Variants in RBFOX3 observed in about 807,000 individuals in gnomAD.
RBFOX3 encodes RNA binding fox-1 homolog 3.
In RBFOX3, 17 loss-of-function variants were observed where a neutral mutation model predicts 48.7. The ratio of observed to expected loss-of-function variants is 0.35; its 90% CI spans 0.24 to 0.52. The LOEUF (loss-of-function observed/expected upper bound fraction) is 0.52. Ranked by LOEUF, RBFOX3 falls within the 20% of genes least tolerant of loss-of-function variation. RBFOX3 has a pLI of 0.94. For missense variants in RBFOX3, 382 were observed against 497.5 expected, an observed-to-expected ratio of 0.77 and a Z score of 2.21; for synonymous variants, 212 against 209.5, an observed-to-expected ratio of 1.01 and a Z score of -0.10.
intron 1 of RBFOX3, among the ~76,000 whole-genome samples, chr17:79,597,037 CT>C (rs1205305472): frequency 6.6e-6 from 1 of 152,204 alleles, no homozygotes; most frequent in East Asian, 1.9e-4. Context: ...GGGGTCACCC[CT>C]GGCCGAGGCC....
At chr17:79,593,898 G>A (rs1160317324) in intron 1 of RBFOX3, among the ~76,000 whole-genome samples, 11 of 152,118 alleles carry the variant, frequency 7.2e-5, no homozygotes, top group African/African-American at 1.9e-4. Context: ...ACCAAAACCC[G>A]CTGGCACTTG....
intron 2 of RBFOX3, among the ~76,000 whole-genome samples, chr17:79,360,387 C>T (rs567905368): frequency 4.0e-4 from 61 of 152,198 alleles, no homozygotes; most frequent in Non-Finnish European, 6.5e-4. Flanking sequence ...AGACTGCAAT[C>T]CCGCCAACAG....
intron 4 of RBFOX3, among the ~76,000 whole-genome samples, chr17:79,117,642 G>A (rs1450808647): frequency 2.6e-5 from 4 of 152,144 alleles, no homozygotes; most frequent in Non-Finnish European, 5.9e-5. Flanking sequence ...TGCACAGGTG[G>A]ATCTGGCATG....
chr17:79,146,639 T>C (rs2043096312), intron 4 of RBFOX3, among the ~76,000 whole-genome samples: 1 of 152,180 alleles, frequency 6.6e-6, no homozygotes, highest in South Asian at 2.1e-4. Flanking sequence ...GCTGAGGGGC[T>C]GGTCTGTGTG....
At position 79,595,352 on chromosome 17, in the gene RBFOX3, C is replaced by T. The variant is rs947615448; in HGVS notation, c.-320+15474G>A. Among the ~76,000 whole-genome samples the T allele has an allele frequency of 1.5e-3, 221 of 152,326 alleles. 2 individuals carry two copies. In the South Asian group the frequency reaches 0.025, roughly 17 times the overall value. ...GCGAAGAACATGCTCAGTCAGCAAC[C>T]GCTCGCTGGGCACCTGCTTTGTGCC... On this transcript the variant is annotated intron_variant, in intron 1 of 14. Transcript: ENST00000693108.
At position 79,441,803 on chromosome 17, in the gene RBFOX3, A is replaced by T. The variant is rs560688313; in HGVS notation, c.-175+40651T>A. ...GGGTGGGAACACACACTCGTGGCCC[A>T]CAGGCCTCGGCCAGCCAGGGCTGAC... On this transcript the variant is annotated intron_variant, in intron 2 of 14. Transcript: ENST00000693108. Among the ~76,000 whole-genome samples the T allele has an allele frequency of 8.5e-5, 13 of 152,266 alleles. No homozygotes were observed. In the South Asian group the frequency reaches 2.7e-3, roughly 32 times the overall value.
rs1299934226 is a variant in RBFOX3 at position 79,477,491 on chromosome 17, G to A, written c.-175+4963C>T. ...GAATGGCGTGAACCCGGGAGGCGGA[G>A]TTTGCAGTGAGCTGAGATCGCCCCA... is the stretch of plus-strand genomic sequence containing the variant. On this transcript the variant is annotated intron_variant, in intron 2 of 14. Transcript: ENST00000693108. This position sits in a 1 kb window ranked among gnomAD's most constrained non-coding sequence, Gnocchi z 4.8. Among the ~76,000 whole-genome samples, 2 of 151,916 alleles carry A rather than the reference G, an allele frequency of 1.3e-5. No individual in the cohort carries two copies. Among genetic ancestry groups the A allele is most frequent in the Non-Finnish European group, 2.9e-5 (2 of 67,996 alleles).
At chr17:79,510,856 CA>C (rs2084058596) in intron 1 of RBFOX3, among the ~76,000 whole-genome samples, 1 of 152,088 alleles carries the variant, frequency 6.6e-6, no homozygotes, top group East Asian at 1.9e-4. Context: ...GGGCTTCCAC[CA>C]GGGGCCTCGC....
intron 1 of RBFOX3, among the ~76,000 whole-genome samples, chr17:79,507,012 C>T (rs1266789070): frequency 1.3e-5 from 2 of 152,204 alleles, no homozygotes. Flanking sequence ...GGGATCCACC[C>T]TCAGGAGGCA....
intron 3 of RBFOX3, among the ~76,000 whole-genome samples, chr17:79,265,997 C>T (rs2066635908): frequency 6.6e-6 from 1 of 152,250 alleles, no homozygotes; most frequent in Non-Finnish European, 1.5e-5. Flanking sequence ...TCCATTCCCG[C>T]TGTAACAGAC....
At chr17:79,187,300 C>T (rs1599872943) in intron 4 of RBFOX3, among the ~76,000 whole-genome samples, 3 of 152,314 alleles carry the variant, frequency 2.0e-5, no homozygotes, top group African/African-American at 4.8e-5. Context: ...ATGCTCCTGC[C>T]CCTCTTTCCC....
chr17:79,106,801 G>A lies in RBFOX3; in HGVS notation c.223-13C>T. The A allele has an allele frequency of 1.3e-6, 2 of 1,507,182 alleles. No individual in the cohort carries two copies. The highest frequency in any genetic ancestry group is 1.8e-6 in the Non-Finnish European group (2 of 1,131,204). The allele number at this position is 1,507,182 out of a possible 1,614,324, so 93.4% of individuals were successfully genotyped here. A position where few individuals can be genotyped will look rare whatever the true frequency, so the allele number is the denominator to read the frequency against. On this transcript the variant is annotated splice_polypyrimidine_tract_variant and intron_variant, in intron 5 of 14. Coordinates refer to ENST00000693108, the MANE Select transcript of RBFOX3 (RefSeq NM_001350451.2). ...CCTCGTCTGTCTGCTGCAGGGAGAG[G>A]ACTGGGCTGTGGAGGCTGCCTCTGT...
At chr17:79,253,155 G>A (rs2064240406) in intron 3 of RBFOX3, among the ~76,000 whole-genome samples, 2 of 152,102 alleles carry the variant, frequency 1.3e-5, no homozygotes, top group South Asian at 4.1e-4. Flanking sequence ...GCAGAGGGAG[G>A]TAACCACCAC....
chr17:79,197,953 C>G (rs1244970550), intron 4 of RBFOX3, among the ~76,000 whole-genome samples: 1 of 152,220 alleles, frequency 6.6e-6, no homozygotes, highest in Admixed American at 6.5e-5. Flanking sequence ...CTGCCCTGCA[C>G]CAGGCAACCA....
intron 2 of RBFOX3, among the ~76,000 whole-genome samples, chr17:79,432,912 C>T (rs782421147): frequency 4.6e-5 from 7 of 152,230 alleles, no homozygotes; most frequent in Non-Finnish European, 7.3e-5. Flanking sequence ...TTGGTGACAG[C>T]GTGAAAGACG....
At chr17:79,345,035 T>C (rs1466480387) in intron 2 of RBFOX3, among the ~76,000 whole-genome samples, 1 of 152,232 alleles carries the variant, frequency 6.6e-6, no homozygotes, top group Non-Finnish European at 1.5e-5. Flanking sequence ...TTTTCTTTGG[T>C]TTTGTGACAC....
chr17:79,528,003 TA>T (rs2087030934), intron 1 of RBFOX3, among the ~76,000 whole-genome samples: 1 of 152,248 alleles, frequency 6.6e-6, no homozygotes, highest in Non-Finnish European at 1.5e-5. Context: ...GTCAAAGCCC[TA>T]ACCTCTGAGT....
At chr17:79,145,620 C>T (rs769700478) in intron 4 of RBFOX3, among the ~76,000 whole-genome samples, 20 of 152,216 alleles carry the variant, frequency 1.3e-4, no homozygotes, top group Non-Finnish European at 2.2e-4. Context: ...CTGCTGAGCA[C>T]TGGCCCCGCA....
intron 3 of RBFOX3, among the ~76,000 whole-genome samples, chr17:79,272,478 TC>T (rs2067910373): frequency 6.6e-6 from 1 of 152,128 alleles, no homozygotes; most frequent in African/African-American, 2.4e-5. Context: ...ATTCCCCTCT[TC>T]TCAGTGTTAC....
Sources: allele counts gnomAD v4.1 joint callset (sites outside exome capture counted in the v4.1 genomes callset), GRCh38; gene constraint gnomAD v4.1.1; non-coding constraint Gnocchi (gnomAD v3.1); transcripts MANE v1.5; gene names NCBI Gene and HGNC (gene_info 2026-07-23, HGNC 2026-07-21).